GPN2: variants seen among roughly 807,000 people sequenced by gnomAD.
GPN2 encodes ATP-binding domain 1 family member B.
GPN2 carries 27 observed loss-of-function variants against 30.1 expected under a neutral mutation model. The ratio of observed to expected loss-of-function variants is 0.90; its 90% CI spans 0.66 to 1.24. The LOEUF (loss-of-function observed/expected upper bound fraction) is 1.24, where lower values mean the gene tolerates loss of function less well. GPN2 is among the 50% of genes most tolerant of loss of function. GPN2 has a pLI of 0.00. For missense variants in GPN2, 406 were observed against 405.4 expected (o/e 1.00, Z -0.01); for synonymous variants, 212 against 174.4 (o/e 1.22, Z -1.70).
At chr1:26,884,704 G>C (rs886856261) in intron 3 of GPN2, among the ~76,000 whole-genome samples, 1 of 152,234 alleles carries the variant, frequency 6.6e-6, no homozygotes, top group African/African-American at 2.4e-5. Context: ...AACTGGGCCA[G>C]GCACGGTGGT....
intron 1 of GPN2, 73 bp from the exon 2 acceptor site, chr1:26,889,198 T>C: frequency 2.5e-6 from 3 of 1,190,212 alleles, no homozygotes; most frequent in South Asian, 2.6e-5. Context: ...GAATGAGGGC[T>C]TGAGGACAGA....
chr1:26,889,030 C>G lies in GPN2; in HGVS notation c.507G>C (p.Val169=), dbSNP rs1374035374. 3.7e-6 allele frequency: 6 copies of G among 1,614,210 alleles called. No individual in the cohort carries two copies. Among genetic ancestry groups the G allele is most frequent in the Non-Finnish European group, 5.1e-6 (6 of 1,180,000 alleles). Residue 169 remains valine, a synonymous_variant, in exon 2 of 5, where the codon GTG becomes GTC. Transcript: ENST00000374135. ...LCTSLATMLH[V]ELPHINLLSK... Reference sequence around the variant, plus strand: ...AAAGGAGGTTGATGTGGGGCAGTTCCACGTGCAGCATGGTGGCCAGGGAGG... The same window carrying G: ...AAAGGAGGTTGATGTGGGGCAGTTCGACGTGCAGCATGGTGGCCAGGGAGG...
intron 2 of GPN2, among the ~76,000 whole-genome samples, chr1:26,887,289 G>A (rs1008516833): frequency 6.6e-6 from 1 of 152,132 alleles, no homozygotes. Context: ...ACTAAAAGAA[G>A]TAAGTTGGAC....
Position 26,885,977 on chromosome 1 carries a change from A to G in GPN2, c.725T>C (p.Ile242Thr), listed in dbSNP as rs2081888567. 1.9e-6 allele frequency: 3 copies of G among 1,610,346 alleles called. 1 individual carries two copies. The Admixed American group carries it at 5.0e-5, about 27-fold the overall frequency. Residue 242 changes from isoleucine to threonine, a missense_variant, in exon 3 of 5, where the codon ATC becomes ACC. Physicochemically the swap from Ile to Thr is moderately conservative, Grantham distance 89. Coordinates refer to ENST00000374135, the MANE Select transcript of GPN2 (RefSeq NM_018066.4). The part of the protein sequence containing the change: ...YSLVSFIPLN[I>T]QDKESIQRVL... ...TCCCGTCTTAGCCCCTAGTACCTGGATGTTGAGAGGGATAAAGGAGACAAG... is the reference window on the plus strand; with the variant it reads ...TCCCGTCTTAGCCCCTAGTACCTGGGTGTTGAGAGGGATAAAGGAGACAAG...
intron 4 of GPN2, among the ~76,000 whole-genome samples, chr1:26,882,890 C>T (rs1270491805): frequency 4.6e-5 from 7 of 152,220 alleles, no homozygotes; most frequent in African/African-American, 1.4e-4. Flanking sequence ...CTTTTCCTGC[C>T]TCAGTGATTA....
intron 3 of GPN2, among the ~76,000 whole-genome samples, chr1:26,885,183 A>AGAGTGTG (rs932297243): frequency 4.6e-5 from 7 of 152,202 alleles, no homozygotes; most frequent in Non-Finnish European, 1.0e-4. Context: ...TCATATCAGA[A>AGAGTGTG]GAGTGTGGCA....
intron 4 of GPN2, among the ~76,000 whole-genome samples, chr1:26,880,337 A>G (rs6679762): frequency 0.98 from 148,553 of 152,268 alleles, 72,495 homozygotes; most frequent in East Asian, 1. Context: ...TTTTTGAGAC[A>G]GAGTCTCACT....
Position 26,884,299 on chromosome 1 carries a change from G to A in GPN2, c.730-9C>T. The stretch of plus-strand genomic sequence containing the variant: ...TGGATGCTCTCCTTGTCCTGAGCAG[G>A]GAGGAGAGAAACAGTTCTGTGAGTG... On this transcript the variant is annotated splice_polypyrimidine_tract_variant and intron_variant, in intron 3 of 4. Coordinates refer to ENST00000374135, the MANE Select transcript of GPN2 (RefSeq NM_018066.4). 1 of 1,601,178 alleles carries A rather than the reference G, an allele frequency of 6.2e-7. No individual in the cohort carries two copies. The highest frequency in any genetic ancestry group is 8.5e-7 in the Non-Finnish European group (1 of 1,176,532).
At chr1:26,886,187 G>A in intron 2 of GPN2, 54 bp from the exon 3 acceptor site, 1 of 1,326,082 alleles carries the variant, frequency 7.5e-7, no homozygotes, top group Non-Finnish European at 1.1e-6. Flanking sequence ...AAAGACCTGA[G>A]GACGAGGTTC....
chr1:26,884,210 G>A lies in GPN2; in HGVS notation c.810C>T (p.Ser270=), dbSNP rs1557655670. Residue 270 remains serine, a synonymous_variant, in exon 4 of 5, where the codon AGC becomes AGT. Transcript: ENST00000374135. ...GYCFRAQEQR[S]LEAMMSAAMG... ...TTGCGGCAGACATCATGGCTTCCAA[G>A]CTTCGCTGCTCTTGGGCTCTGAAAC... 6.2e-7 allele frequency: 1 copy of A among 1,614,016 alleles called. No homozygotes were observed. The highest frequency in any genetic ancestry group is 1.3e-5 in the African/African-American group (1 of 75,026).
At position 26,889,722 on chromosome 1, in the gene GPN2, G is replaced by A; in HGVS notation, c.375C>T (p.Arg125=). Residue 125 remains arginine, a synonymous_variant, in exon 1 of 5, where the codon CGC becomes CGT. Coordinates refer to ENST00000374135, the MANE Select transcript of GPN2 (RefSeq NM_018066.4). ...ACTGCGCCATTTGGGAGAAGATGCT[G>A]CGCAAGGCGCCGTGATGCGTGCAGA... is the stretch of plus-strand genomic sequence containing the variant. ...VELCTHHGAL[R]SIFSQMAQWD... The A allele has an allele frequency of 6.2e-7, 1 of 1,601,418 alleles. No individual in the cohort carries two copies. The highest frequency in any genetic ancestry group is 8.5e-7 in the Non-Finnish European group (1 of 1,172,436).
Position 26,879,638 on chromosome 1 carries a change from C to A in GPN2, c.*39G>T. The A allele has an allele frequency of 6.8e-7, 1 of 1,480,576 alleles. No homozygotes were observed. The highest frequency in any genetic ancestry group is 1.7e-4 in the Middle Eastern group (1 of 5,800). The allele number at this position is 1,480,576 out of a possible 1,614,324, so 91.7% of individuals were successfully genotyped here. A position where few individuals can be genotyped will look rare whatever the true frequency, so the allele number is the denominator to read the frequency against. ...TCAGGAGCCTCCACTTTCCCCAGTG[C>A]TGGATTATGCATCCTGCTCTCCAGG... On this transcript the variant is annotated 3_prime_UTR_variant, in exon 5 of 5. Coordinates refer to ENST00000374135, the MANE Select transcript of GPN2 (RefSeq NM_018066.4).
intron 4 of GPN2, among the ~76,000 whole-genome samples, chr1:26,883,648 A>G (rs1270546352): frequency 1.3e-5 from 2 of 151,686 alleles, no homozygotes; most frequent in African/African-American, 4.8e-5. Flanking sequence ...CTAACTGGGC[A>G]CAGTGGCGCA....
chr1:26,890,138 C>T lies in GPN2; in HGVS notation c.-42G>A. The T allele has an allele frequency of 6.9e-7, 1 of 1,457,064 alleles. No homozygotes were observed. Among genetic ancestry groups the T allele is most frequent in the Non-Finnish European group, 9.0e-7 (1 of 1,108,038 alleles). The allele number at this position is 1,457,064 out of a possible 1,614,324, so 90.3% of individuals were successfully genotyped here. A position where few individuals can be genotyped will look rare whatever the true frequency, so the allele number is the denominator to read the frequency against. The stretch of plus-strand genomic sequence containing the variant: ...GGAGCAGGTCAACTCACAGGGAAAA[C>T]GGGGCAGGTAGCCGCGCCGGAGACG... On this transcript the variant is annotated 5_prime_UTR_variant, in exon 1 of 5. Transcript: ENST00000374135.
rs756265016 is a variant in GPN2, at chr1:26,888,953, G to T, written c.568+16C>A. 2 of 1,613,630 alleles carry T rather than the reference G, an allele frequency of 1.2e-6. No individual in the cohort carries two copies. The highest frequency in any genetic ancestry group is 1.1e-5 in the South Asian group (1 of 91,066). ...CAGCTGCTGCCCTGCTCTTCGCCTG[G>T]AACAGAAGCTCTTACCCAGCTTCCC... On this transcript the variant is annotated intron_variant, in intron 2 of 4. Transcript: ENST00000374135.
intron 2 of GPN2, among the ~76,000 whole-genome samples, chr1:26,887,173 G>A (rs1325046503): frequency 1.3e-5 from 2 of 152,136 alleles, no homozygotes; most frequent in Non-Finnish European, 2.9e-5. Flanking sequence ...TAGCAGGGTA[G>A]CCTCCTGGGT....
intron 4 of GPN2, among the ~76,000 whole-genome samples, chr1:26,880,268 G>A (rs1369702639): frequency 6.6e-6 from 1 of 152,158 alleles, no homozygotes; most frequent in African/African-American, 2.4e-5. Context: ...AAATGACCCT[G>A]CAAGTAAAGC....
rs1557653462 is a variant in GPN2, at chr1:26,876,217, C to CTTTTTTTTTTTTTTTTTT, written c.*3459_*3460insAAAAAAAAAAAAAAAAAA. Reference sequence around the variant, plus strand: ...TATGGGATTCTGGGTGACTCATTTTCGTTTTTTTTTTTTTTGAGATGTACT... The same window carrying CTTTTTTTTTTTTTTTTTT: ...TATGGGATTCTGGGTGACTCATTTTCTTTTTTTTTTTTTTTTTTGTTTTTTTTTTTTTTGAGATGTACT... On this transcript the variant is annotated 3_prime_UTR_variant, in exon 5 of 5. Transcript: ENST00000374135. The CTTTTTTTTTTTTTTTTTT allele has an allele frequency of 6.7e-6, 1 of 149,826 alleles. No homozygotes were observed. The allele number at this position is 149,826 out of a possible 1,614,324, so 9.3% of individuals were successfully genotyped here.
chr1:26,884,388 C>T, intron 3 of GPN2, 98 bp from the exon 4 acceptor site: 3 of 1,268,868 alleles, frequency 2.4e-6, no homozygotes, highest in Non-Finnish European at 3.2e-6. Context: ...TGCCTCTGTA[C>T]CTGTAGCTTT....
Sources: allele counts gnomAD v4.1 joint callset (sites outside exome capture counted in the v4.1 genomes callset), GRCh38; gene constraint gnomAD v4.1.1; transcripts MANE v1.5; gene names NCBI Gene and HGNC (gene_info 2026-07-23, HGNC 2026-07-21).